PDE8B: variants seen among roughly 807,000 people sequenced by gnomAD.
The protein encoded by PDE8B is phosphodiesterase 8B.
A neutral mutation model predicts 101.3 loss-of-function variants in PDE8B; 26 were observed. The observed-to-expected ratio is 0.26, with a 90% CI of 0.19 to 0.36. PDE8B has a LOEUF of 0.36. PDE8B is among the 10% of genes least tolerant of loss of function. The pLI, the probability that PDE8B is intolerant of heterozygous loss-of-function variation, is 1.00. For synonymous variants in PDE8B, 424 were observed against 429.3 expected (o/e 0.99, Z 0.15); for missense variants, 810 against 1,163.1 (o/e 0.70, Z 4.42).
In PDE8B at chr5:77,260,114, G is replaced by A. The variant is rs1471802351; in HGVS notation, c.339+48850G>A. ...GGGAGTTGCAGTGAGCAAACATCACGCCATTGTGCTCCAGCCTGGGCAACA... is the reference window on the plus strand; with the variant it reads ...GGGAGTTGCAGTGAGCAAACATCACACCATTGTGCTCCAGCCTGGGCAACA... On this transcript the variant is annotated intron_variant, in intron 1 of 21. Coordinates refer to ENST00000264917, the MANE Select transcript of PDE8B (RefSeq NM_003719.5). Among the ~76,000 whole-genome samples, 17 of 133,032 alleles carry A rather than the reference G, an allele frequency of 1.3e-4. No individual in the cohort carries two copies. In the South Asian group the frequency reaches 2.7e-3, roughly 21 times the overall value. 87.3% of individuals were successfully genotyped at this position (133,032 alleles called of 152,430 possible). A position where few individuals can be genotyped will look rare whatever the true frequency, so the allele number is the denominator to read the frequency against.
At chr5:77,103,091 C>T in the PDE8B span, among the ~76,000 whole-genome samples, 2 of 152,236 alleles carry the variant, frequency 1.3e-5, no homozygotes, top group Non-Finnish European at 2.9e-5. Flanking sequence ...ATGCCCTATG[C>T]ACCATGATAT....
Position 77,386,916 on chromosome 5 carries a change from G to A in PDE8B, c.1168-13332G>A, listed in dbSNP as rs1423821564. Among the ~76,000 whole-genome samples, 20 of 100,496 alleles carry A rather than the reference G, an allele frequency of 2.0e-4. No homozygotes were observed. The East Asian group carries it at 4.1e-3, about 21-fold the overall frequency. The allele number at this position is 100,496 out of a possible 152,430, so 65.9% of individuals were successfully genotyped here. ...TTTTGAGACGGAGTCTCGCTCTGTC[G>A]CCCAGGCCGGACTGCGGACTGCAGT... On this transcript the variant is annotated intron_variant, in intron 10 of 21. Coordinates refer to ENST00000264917, the MANE Select transcript of PDE8B (RefSeq NM_003719.5).
intron 1 of PDE8B, among the ~76,000 whole-genome samples, chr5:77,260,319 T>C (rs1760271066): frequency 6.6e-6 from 1 of 152,172 alleles, no homozygotes; most frequent in Non-Finnish European, 1.5e-5. Context: ...ATTAAACATA[T>C]TTTTCAGAAA....
chr5:77,395,253 A>G (rs1301856443), intron 10 of PDE8B, among the ~76,000 whole-genome samples: 1 of 150,698 alleles, frequency 6.6e-6, no homozygotes, highest in Non-Finnish European at 1.5e-5. Context: ...AGTAGCTGGG[A>G]CTACAGGCAC....
chr5:77,245,008 A>G (rs1756570861), intron 1 of PDE8B, among the ~76,000 whole-genome samples: 1 of 152,240 alleles, frequency 6.6e-6, no homozygotes. Flanking sequence ...ATTCCAGTGA[A>G]TGTGTAATCA....
the PDE8B span, among the ~76,000 whole-genome samples, chr5:77,163,652 G>A: frequency 2.6e-5 from 4 of 152,200 alleles, no homozygotes; most frequent in South Asian, 4.1e-4. Flanking sequence ...TCTGGCCCAA[G>A]GACTGGGTCG....
chr5:77,290,275 C>A, intron 1 of PDE8B: 1 of 1,557,600 alleles, frequency 6.4e-7, no homozygotes, highest in Non-Finnish European at 8.8e-7. Context: ...TTCATGTCCA[C>A]TCTCCTCATC....
chr5:77,218,637 C>T (rs567283385), intron 1 of PDE8B, among the ~76,000 whole-genome samples: 1 of 152,176 alleles, frequency 6.6e-6, no homozygotes, highest in African/African-American at 2.4e-5. Context: ...ACTGTCACCC[C>T]TTCTATTAAC....
the PDE8B span, among the ~76,000 whole-genome samples, chr5:77,096,395 A>G: frequency 6.6e-6 from 1 of 152,108 alleles, no homozygotes; most frequent in African/African-American, 2.4e-5. Context: ...TGCCTACTAT[A>G]ACAGAACACC....
the PDE8B span, among the ~76,000 whole-genome samples, chr5:77,154,276 A>G: frequency 4.6e-5 from 7 of 152,326 alleles, no homozygotes; most frequent in Admixed American, 3.3e-4. Context: ...CTGAAATGCT[A>G]TCAGATATTA....
the PDE8B span, among the ~76,000 whole-genome samples, chr5:77,121,651 G>A: frequency 6.6e-6 from 1 of 152,130 alleles, no homozygotes; most frequent in African/African-American, 2.4e-5. Flanking sequence ...GGGACTACAG[G>A]CGTGCGCCAC....
the PDE8B span, among the ~76,000 whole-genome samples, chr5:77,109,941 T>G: frequency 1.6e-5 from 2 of 126,872 alleles, no homozygotes; most frequent in Admixed American, 7.9e-5. Flanking sequence ...TTTTTTTTTT[T>G]TTTTTTTTTT....
At chr5:77,365,640 G>A (rs1036259613) in intron 10 of PDE8B, among the ~76,000 whole-genome samples, 1 of 152,230 alleles carries the variant, frequency 6.6e-6, no homozygotes, top group African/African-American at 2.4e-5. Context: ...TGGTTTCTGA[G>A]AGACAGGGGC....
At chr5:77,363,480 G>A (rs529992336) in intron 10 of PDE8B, among the ~76,000 whole-genome samples, 29 of 152,036 alleles carry the variant, frequency 1.9e-4, no homozygotes, top group South Asian at 6.2e-4. Flanking sequence ...TTGGGAGGCC[G>A]AGGTGGGCGG....
intron 1 of PDE8B, among the ~76,000 whole-genome samples, chr5:77,233,697 T>TGC (rs1445731955): frequency 2.1e-5 from 3 of 144,222 alleles, no homozygotes; most frequent in African/African-American, 8.0e-5. Context: ...TGTGTGTGTG[T>TGC]GTGCAGTAGA....
chr5:77,398,848 A>G (rs1030301325), intron 10 of PDE8B, among the ~76,000 whole-genome samples: 4 of 152,210 alleles, frequency 2.6e-5, no homozygotes, highest in African/African-American at 9.6e-5. Context: ...TGCCCACCAC[A>G]AGATTTCCTC....
At chr5:77,165,800 G>C in the PDE8B span, among the ~76,000 whole-genome samples, 844 of 152,042 alleles carry the variant, frequency 5.6e-3, 7 homozygotes, top group African/African-American at 0.018. Flanking sequence ...GAGGCCAGGA[G>C]TTCAAGACCA....
chr5:77,396,694 C>T (rs1791133562), intron 10 of PDE8B, among the ~76,000 whole-genome samples: 1 of 152,032 alleles, frequency 6.6e-6, no homozygotes, highest in Non-Finnish European at 1.5e-5. Flanking sequence ...CTTTAAATAG[C>T]CTCTAAACTA....
At chr5:77,385,179 A>G (rs1324866673) in intron 10 of PDE8B, among the ~76,000 whole-genome samples, 3 of 152,178 alleles carry the variant, frequency 2.0e-5, no homozygotes, top group Non-Finnish European at 4.4e-5. Context: ...CAGGGATTCA[A>G]CTTCTTCCTG....
Sources: allele counts gnomAD v4.1 joint callset (sites outside exome capture counted in the v4.1 genomes callset), GRCh38; gene constraint gnomAD v4.1.1; transcripts MANE v1.5; gene names NCBI Gene and HGNC (gene_info 2026-07-23, HGNC 2026-07-21).